Variants in CRB1 observed in about 807,000 individuals in gnomAD.
CRB1 encodes the protein crumbs cell polarity complex component 1.
CRB1 carries 83 observed loss-of-function variants against 120.0 expected under a neutral mutation model. That is an observed-to-expected ratio of 0.69 (90% CI 0.58 to 0.83). The LOEUF (loss-of-function observed/expected upper bound fraction) is 0.83, where lower values mean the gene tolerates loss of function less well. Among genes scored for constraint, CRB1 ranks in the 40% least tolerant of loss-of-function variants. The pLI is 0.00. For synonymous variants in CRB1, 625 were observed against 612.5 expected (o/e 1.02, Z -0.30); for missense variants, 1,699 against 1,687.6 (o/e 1.01, Z -0.12).
chr1:197,282,721 T>C (rs1051549437), intron 1 of CRB1, among the ~76,000 whole-genome samples: 3 of 151,890 alleles, frequency 2.0e-5, no homozygotes, highest in Non-Finnish European at 4.4e-5. Context: ...TTTCTCCATT[T>C]TATGTTCTCA....
At chr1:197,423,125 C>G (rs1664418741) in intron 6 of CRB1, among the ~76,000 whole-genome samples, 1 of 151,920 alleles carries the variant, frequency 6.6e-6, no homozygotes, top group Non-Finnish European at 1.5e-5. Flanking sequence ...TTTAATTGAC[C>G]TAAGGCAATA....
At chr1:197,303,061 A>G (rs546541435) in intron 1 of CRB1, among the ~76,000 whole-genome samples, 1 of 152,190 alleles carries the variant, frequency 6.6e-6, no homozygotes, top group Admixed American at 6.5e-5. Context: ...ATTATCAGTT[A>G]TTTGCTAAAA....
chr1:197,291,749 A>T (rs1242974622), intron 1 of CRB1, among the ~76,000 whole-genome samples: 1 of 151,826 alleles, frequency 6.6e-6, no homozygotes, highest in African/African-American at 2.4e-5. Flanking sequence ...TTGCATATAT[A>T]ATTATAATGC....
At chr1:197,206,537 T>C in the CRB1 span, among the ~76,000 whole-genome samples, 5 of 152,162 alleles carry the variant, frequency 3.3e-5, no homozygotes, top group Admixed American at 2.6e-4. Flanking sequence ...AGCAAGTTAT[T>C]TAATTTCCAT....
intron 3 of CRB1, among the ~76,000 whole-genome samples, chr1:197,347,123 T>C (rs527762736): frequency 2.2e-4 from 34 of 152,308 alleles, no homozygotes; most frequent in African/African-American, 7.2e-4. Context: ...ATAGTCATGG[T>C]TTGCATGACC....
At chr1:197,262,781 T>G in the CRB1 span, among the ~76,000 whole-genome samples, 4 of 152,178 alleles carry the variant, frequency 2.6e-5, no homozygotes, top group Non-Finnish European at 5.9e-5. Context: ...CATGCAGTAT[T>G]TGATTTTTCT....
At chr1:197,368,890 G>A (rs1481440983) in intron 5 of CRB1, among the ~76,000 whole-genome samples, 1 of 152,176 alleles carries the variant, frequency 6.6e-6, no homozygotes, top group East Asian at 1.9e-4. Flanking sequence ...CAACTTAGAA[G>A]ACCTGAAAGG....
chr1:197,224,184 GTT>G, the CRB1 span, among the ~76,000 whole-genome samples: 1 of 151,996 alleles, frequency 6.6e-6, no homozygotes, highest in African/African-American at 2.4e-5. Context: ...TTAATGTCCT[GTT>G]TACATAATGG....
intron 5 of CRB1, among the ~76,000 whole-genome samples, chr1:197,370,280 A>G (rs767846032): frequency 1.2e-4 from 18 of 152,178 alleles, no homozygotes; most frequent in Non-Finnish European, 1.9e-4. Context: ...GTTGACAGAA[A>G]ATCAACAAAG....
At chr1:197,402,304 C>G (rs1663106615) in intron 5 of CRB1, among the ~76,000 whole-genome samples, 1 of 152,148 alleles carries the variant, frequency 6.6e-6, no homozygotes, top group Admixed American at 6.5e-5. Flanking sequence ...TGAGAACATG[C>G]AGTATTTGGT....
intron 5 of CRB1, among the ~76,000 whole-genome samples, chr1:197,409,177 T>C (rs567144369): frequency 6.6e-6 from 1 of 152,294 alleles, no homozygotes; most frequent in Admixed American, 6.5e-5. Context: ...AATCATAAAG[T>C]AGAGCAAAGA....
At chr1:197,256,959 GT>G in the CRB1 span, among the ~76,000 whole-genome samples, 1 of 151,632 alleles carries the variant, frequency 6.6e-6, no homozygotes, top group Non-Finnish European at 1.5e-5. Context: ...GTGTGTGTGT[GT>G]GTGTGTGTGT....
intron 10 of CRB1, chr1:197,440,438 A>C (rs1665377539): frequency 6.6e-6 from 1 of 152,248 alleles, no homozygotes; most frequent in Non-Finnish European, 1.5e-5. Context: ...ACATGATGCT[A>C]GATATTTCTA....
At position 197,294,306 on chromosome 1, in the gene CRB1, C is replaced by T. The variant is rs140179066; in HGVS notation, c.70+25824C>T. Among the ~76,000 whole-genome samples, 899 of 151,862 alleles carry T rather than the reference C, an allele frequency of 5.9e-3. 13 individuals carry two copies. The highest frequency in any genetic ancestry group is 0.02 in the African/African-American group (846 of 41,436). On this transcript the variant is annotated intron_variant, in intron 1 of 11. Coordinates refer to ENST00000367400, the MANE Select transcript of CRB1 (RefSeq NM_201253.3). ...GACATTTCTGCAGCCAACAGACACA[C>T]GAAAAAAAATATTCATCATCACTGG...
intron 7 of CRB1, among the ~76,000 whole-genome samples, chr1:197,428,604 G>A (rs1263577288): frequency 2.6e-5 from 4 of 152,084 alleles, no homozygotes; most frequent in African/African-American, 7.2e-5. Context: ...TGTGTTGAGC[G>A]TTTGTTGAGC....
the CRB1 span, among the ~76,000 whole-genome samples, chr1:197,235,097 C>G: frequency 6.6e-6 from 1 of 152,160 alleles, no homozygotes; most frequent in African/African-American, 2.4e-5. Flanking sequence ...AAGTATATGG[C>G]ACTATGTCCC....
In CRB1 at chr1:197,478,008, CT is replaced by C. The variant is rs1030330567; in HGVS notation, c.*132del. 2.1e-6 allele frequency: 2 copies of C among 952,454 alleles called. No individual in the cohort carries two copies. Among genetic ancestry groups the C allele is most frequent in the African/African-American group, 3.2e-5 (2 of 62,162 alleles). 59.0% of individuals were successfully genotyped at this position (952,454 alleles called of 1,614,324 possible). A position where few individuals can be genotyped will look rare whatever the true frequency, so the allele number is the denominator to read the frequency against. On this transcript the variant is annotated 3_prime_UTR_variant, in exon 12 of 12. Coordinates refer to ENST00000367400, the MANE Select transcript of CRB1 (RefSeq NM_201253.3). ...TACACTGGAACTACAGGAATGATTC[CT>C]TTGACCACCTTAAAAACTTTCACAG...
At chr1:197,395,260 G>A (rs1254455539) in intron 5 of CRB1, among the ~76,000 whole-genome samples, 1 of 152,148 alleles carries the variant, frequency 6.6e-6, no homozygotes, top group Non-Finnish European at 1.5e-5. Flanking sequence ...TATTGAGAGT[G>A]AGAGTTGAAT....
intron 1 of CRB1, among the ~76,000 whole-genome samples, chr1:197,299,912 T>A (rs531662079): frequency 6.6e-6 from 1 of 151,970 alleles, no homozygotes; most frequent in South Asian, 2.1e-4. Context: ...TGTCACATTC[T>A]GATAATTTTT....
Sources: gnomAD v4.1 joint callset for allele counts (sites outside exome capture counted in the v4.1 genomes callset) on GRCh38, gnomAD v4.1.1 for gene constraint, MANE v1.5 for transcripts, NCBI Gene and HGNC (gene_info 2026-07-23, HGNC 2026-07-21) for gene names.